Variants in NTM observed in about 807,000 individuals in gnomAD.
The protein encoded by NTM is IgLON family member 2.
In NTM, 13 loss-of-function variants were observed where a neutral mutation model predicts 42.1. The ratio of observed to expected loss-of-function variants is 0.31; its 90% confidence interval spans 0.20 to 0.49. The LOEUF (loss-of-function observed/expected upper bound fraction) is 0.49. NTM is among the 20% of genes least tolerant of loss of function. NTM has a pLI of 0.99. For missense variants in NTM, 373 were observed against 452.8 expected, an observed-to-expected ratio of 0.82 and a Z score of 1.60; for synonymous variants, 187 against 179.2, an observed-to-expected ratio of 1.04 and a Z score of -0.35.
At chr11:131,952,633 G>A (rs552538517) in intron 2 of NTM, among the ~76,000 whole-genome samples, 8 of 152,246 alleles carry the variant, frequency 5.3e-5, no homozygotes, top group African/African-American at 1.7e-4. Flanking sequence ...GATTGTTAAG[G>A]TGTTACTTTG....
intron 2 of NTM, among the ~76,000 whole-genome samples, chr11:131,994,563 G>C (rs2067636225): frequency 6.6e-6 from 1 of 152,084 alleles, no homozygotes; most frequent in East Asian, 1.9e-4. Flanking sequence ...CGGGTGTGTT[G>C]GTGAGATTTT....
At chr11:131,374,378 A>G (rs1941674575) in intron 1 of NTM, among the ~76,000 whole-genome samples, 1 of 152,160 alleles carries the variant, frequency 6.6e-6, no homozygotes, top group South Asian at 2.1e-4. Flanking sequence ...CTGCATGAAG[A>G]CCATTCTTGA....
At chr11:132,308,889 T>G (rs1427981878) in intron 5 of NTM, among the ~76,000 whole-genome samples, 15 of 151,720 alleles carry the variant, frequency 9.9e-5, no homozygotes, top group Admixed American at 9.8e-4. Flanking sequence ...AAAATACGCT[T>G]AGGAAAATGA....
chr11:132,322,265 T>G (rs918721482), intron 7 of NTM, among the ~76,000 whole-genome samples: 9 of 152,044 alleles, frequency 5.9e-5, no homozygotes, highest in African/African-American at 2.2e-4. Context: ...CCCATCAGTG[T>G]GCTGTATTCA....
intron 1 of NTM, among the ~76,000 whole-genome samples, chr11:131,691,563 C>A (rs1399594318): frequency 6.6e-6 from 1 of 152,038 alleles, no homozygotes; most frequent in Non-Finnish European, 1.5e-5. Context: ...TGAAAGCCCC[C>A]CCCCGACTTC....
At chr11:131,801,365 C>A (rs114489721) in intron 1 of NTM, among the ~76,000 whole-genome samples, 1 of 152,030 alleles carries the variant, frequency 6.6e-6, no homozygotes, top group Non-Finnish European at 1.5e-5. Flanking sequence ...CATCCCTGAG[C>A]GAGGGAGAAG....
chr11:132,035,359 GA>G (rs1201460244), intron 2 of NTM, among the ~76,000 whole-genome samples: 1 of 152,170 alleles, frequency 6.6e-6, no homozygotes, highest in Non-Finnish European at 1.5e-5. Context: ...TTGAGGGAGA[GA>G]ATTGAGTGTC....
chr11:131,465,681 C>T (rs1051023283), intron 1 of NTM, among the ~76,000 whole-genome samples: 1 of 152,316 alleles, frequency 6.6e-6, no homozygotes, highest in African/African-American at 2.4e-5. Flanking sequence ...AATTCCACAG[C>T]GAACAGTCTT....
chr11:132,310,333 C>A, intron 6 of NTM, 101 bp downstream of exon 6: 2 of 1,264,212 alleles, frequency 1.6e-6, no homozygotes, highest in Non-Finnish European at 2.1e-6. Context: ...TCTATAAAAT[C>A]CTCTTCTGAA....
At chr11:132,329,779 G>C (rs369619295) in intron 7 of NTM, among the ~76,000 whole-genome samples, 27 of 152,350 alleles carry the variant, frequency 1.8e-4, no homozygotes, top group African/African-American at 6.5e-4. Flanking sequence ...GATGACCAAA[G>C]AAAGTAAGTT....
chr11:131,733,563 G>T (rs926079269), intron 1 of NTM, among the ~76,000 whole-genome samples: 1 of 143,838 alleles, frequency 7.0e-6, no homozygotes, highest in Non-Finnish European at 1.5e-5. Context: ...AGTCTCACTC[G>T]GTCACCCAGG....
At chr11:131,905,834 C>T (rs965726769) in intron 1 of NTM, among the ~76,000 whole-genome samples, 26 of 152,116 alleles carry the variant, frequency 1.7e-4, no homozygotes, top group African/African-American at 6.3e-4. Context: ...CTTCAGAGCA[C>T]CCCACCCCTC....
At chr11:132,103,373 G>C (rs78958874) in intron 2 of NTM, among the ~76,000 whole-genome samples, 1 of 152,162 alleles carries the variant, frequency 6.6e-6, no homozygotes, top group East Asian at 1.9e-4. Flanking sequence ...TTCTAATCTC[G>C]GGCATTTTGT....
rs905631138 is a variant in NTM at position 132,336,627 on chromosome 11, TGTGA to T, written c.*1485_*1488del. 7 of 152,522 alleles carry T rather than the reference TGTGA, an allele frequency of 4.6e-5. No individual in the cohort carries two copies. The highest frequency in any genetic ancestry group is 6.5e-5 in the Admixed American group (1 of 15,274). 9.4% of individuals were successfully genotyped at this position (152,522 alleles called of 1,614,324 possible). ...TGGTTTATTTTATTTCCCACCTTTG[TGTGA>T]GTGTGTATGAAAGAGAAGAAAATGC... is the stretch of plus-strand genomic sequence containing the variant. On this transcript the variant is annotated 3_prime_UTR_variant, in exon 9 of 9. Transcript: ENST00000683400.
chr11:132,286,614 C>T (rs577738371), intron 4 of NTM, among the ~76,000 whole-genome samples: 5 of 152,100 alleles, frequency 3.3e-5, no homozygotes, highest in Non-Finnish European at 7.4e-5. Flanking sequence ...TTTGATACTT[C>T]TGATACTCAA....
At chr11:131,424,600 C>CTTTCT (rs1947878678) in intron 1 of NTM, among the ~76,000 whole-genome samples, 1 of 56,052 alleles carries the variant, frequency 1.8e-5, no homozygotes, top group African/African-American at 7.3e-5. Context: ...CTTTTCTTTT[C>CTTTCT]TTTTTTTTTT....
At chr11:131,823,697 G>A (rs61903571) in intron 1 of NTM, among the ~76,000 whole-genome samples, 18 of 152,222 alleles carry the variant, frequency 1.2e-4, no homozygotes, top group Middle Eastern at 3.4e-3. Context: ...ATAGTTATAC[G>A]TCTTCTAATT....
At chr11:131,770,604 A>C (rs2085909269) in intron 1 of NTM, among the ~76,000 whole-genome samples, 1 of 152,274 alleles carries the variant, frequency 6.6e-6, no homozygotes, top group African/African-American at 2.4e-5. Context: ...ATGTCTGGTA[A>C]ATTAAATCAA....
chr11:131,843,205 C>G (rs1484111283), intron 1 of NTM, among the ~76,000 whole-genome samples: 2 of 151,994 alleles, frequency 1.3e-5, no homozygotes, highest in Non-Finnish European at 2.9e-5. Flanking sequence ...AAACTGAATC[C>G]ACTTGTTTAT....
Sources: gnomAD v4.1 joint callset for allele counts (sites outside exome capture counted in the v4.1 genomes callset) on GRCh38, gnomAD v4.1.1 for gene constraint, MANE v1.5 for transcripts, NCBI Gene and HGNC (gene_info 2026-07-23, HGNC 2026-07-21) for gene names.